CAMTA1: variants seen among roughly 807,000 people sequenced by gnomAD.
CAMTA1 encodes calmodulin binding transcription activator 1, also known as calmodulin-binding transcription activator 1.
A neutral mutation model predicts 170.9 loss-of-function variants in CAMTA1; 27 were observed. That is an observed-to-expected ratio of 0.16 (90% CI 0.12 to 0.22). The LOEUF (loss-of-function observed/expected upper bound fraction) is 0.22, where lower values mean the gene tolerates loss of function less well. Among genes scored for constraint, CAMTA1 ranks in the 10% least tolerant of loss-of-function variants. The pLI is 1.00. For missense variants in CAMTA1, 1,619 were observed against 2,217.2 expected (o/e 0.73, Z 5.42); for synonymous variants, 833 against 891.5 (o/e 0.93, Z 1.17).
chr1:7,204,547 T>C (rs952567743), intron 4 of CAMTA1, among the ~76,000 whole-genome samples: 1 of 152,228 alleles, frequency 6.6e-6, no homozygotes, highest in Admixed American at 6.5e-5. Context: ...TCCTTTTACA[T>C]TTATTGAGGT....
chr1:7,016,191 T>G (rs1413869814), intron 3 of CAMTA1, among the ~76,000 whole-genome samples: 5 of 152,186 alleles, frequency 3.3e-5, no homozygotes, highest in Admixed American at 6.5e-5. Context: ...CAGGCTGGCT[T>G]CTTTCCCTCA....
intron 11 of CAMTA1, among the ~76,000 whole-genome samples, chr1:7,704,560 G>C (rs1025633783): frequency 4.7e-5 from 7 of 148,630 alleles, no homozygotes; most frequent in African/African-American, 1.7e-4. Flanking sequence ...TTCCGGCGCA[G>C]TCCCCGCGCC....
chr1:7,161,468 CAT>C (rs1395173983), intron 4 of CAMTA1, among the ~76,000 whole-genome samples: 6 of 152,204 alleles, frequency 3.9e-5, no homozygotes, highest in South Asian at 2.1e-4. Context: ...ACAATTCCCA[CAT>C]GTCTTGGGAG....
chr1:7,625,131 A>G (rs2095624598), intron 6 of CAMTA1, among the ~76,000 whole-genome samples: 1 of 152,028 alleles, frequency 6.6e-6, no homozygotes, highest in Admixed American at 6.5e-5. Flanking sequence ...GGGAGCCAGG[A>G]AAGGTTAGCA....
intron 5 of CAMTA1, among the ~76,000 whole-genome samples, chr1:7,260,835 C>T (rs1668055866): frequency 6.6e-6 from 1 of 152,184 alleles, no homozygotes; most frequent in Non-Finnish European, 1.5e-5. Context: ...TTTGCTGCCA[C>T]AATTTACCTA....
At chr1:7,519,257 C>T (rs545676764) in intron 6 of CAMTA1, among the ~76,000 whole-genome samples, 100 of 152,112 alleles carry the variant, frequency 6.6e-4, no homozygotes, top group Admixed American at 4.6e-3. Context: ...CACCTGTCTC[C>T]TTGAGGCTTC....
At chr1:6,858,313 T>C (rs892495965) in intron 3 of CAMTA1, among the ~76,000 whole-genome samples, 2 of 152,150 alleles carry the variant, frequency 1.3e-5, no homozygotes, top group Admixed American at 6.5e-5. Flanking sequence ...TACTTATCCT[T>C]AGGGACATTA....
intron 6 of CAMTA1, among the ~76,000 whole-genome samples, chr1:7,553,957 C>A (rs1287041919): frequency 2.6e-5 from 4 of 152,138 alleles, no homozygotes; most frequent in Admixed American, 1.3e-4. Flanking sequence ...CAGGTCCTAG[C>A]AATTTGTACT....
intron 6 of CAMTA1, among the ~76,000 whole-genome samples, chr1:7,559,596 G>A (rs550802801): frequency 6.6e-6 from 1 of 152,314 alleles, no homozygotes; most frequent in Admixed American, 6.5e-5. Context: ...CTAATGCCAC[G>A]GTTTGGGGAG....
At chr1:7,218,763 C>G (rs1573972570) in intron 4 of CAMTA1, among the ~76,000 whole-genome samples, 1 of 152,158 alleles carries the variant, frequency 6.6e-6, no homozygotes, top group Non-Finnish European at 1.5e-5. Context: ...CCATCTTATC[C>G]TCTTGCTCTT....
chr1:7,452,760 CT>C (rs1307772757), intron 5 of CAMTA1, among the ~76,000 whole-genome samples: 1 of 152,238 alleles, frequency 6.6e-6, no homozygotes, highest in Non-Finnish European at 1.5e-5. Flanking sequence ...TTGCTTACCT[CT>C]TCCTCTGCCG....
At chr1:6,787,761 A>G (rs1375647780) in intron 1 of CAMTA1, among the ~76,000 whole-genome samples, 1 of 152,236 alleles carries the variant, frequency 6.6e-6, no homozygotes, top group Admixed American at 6.5e-5. Context: ...GAATGTGCGA[A>G]GCGTACAGTG....
intron 5 of CAMTA1, among the ~76,000 whole-genome samples, chr1:7,390,733 C>T (rs2088601126): frequency 6.6e-6 from 1 of 152,262 alleles, no homozygotes; most frequent in Non-Finnish European, 1.5e-5. Context: ...AGCACCTCTC[C>T]CCCACATGCA....
At chr1:7,737,139 A>T in intron 14 of CAMTA1, 116 bp from the exon 15 acceptor site, 1 of 1,302,334 alleles carries the variant, frequency 7.7e-7, no homozygotes. Context: ...GGAATCTTCA[A>T]TGGCCCCACC....
At chr1:7,208,138 C>T (rs1473824454) in intron 4 of CAMTA1, among the ~76,000 whole-genome samples, 2 of 152,232 alleles carry the variant, frequency 1.3e-5, no homozygotes, top group African/African-American at 4.8e-5. Flanking sequence ...TTCCGTCAGG[C>T]AGTGCTTTCT....
chr1:7,244,672 A>G (rs1018926149), intron 4 of CAMTA1, among the ~76,000 whole-genome samples: 2 of 151,580 alleles, frequency 1.3e-5, no homozygotes, highest in South Asian at 4.2e-4. Flanking sequence ...GTTCTCACTC[A>G]TAGGTGGGAA....
chr1:7,452,780 G>T (rs1207695139), intron 5 of CAMTA1, among the ~76,000 whole-genome samples: 1 of 152,232 alleles, frequency 6.6e-6, no homozygotes. Context: ...CGATGGGCAT[G>T]TAGGCTGTTC....
At chr1:7,133,461 T>A (rs908772794) in intron 4 of CAMTA1, among the ~76,000 whole-genome samples, 2 of 148,966 alleles carry the variant, frequency 1.3e-5, no homozygotes, top group South Asian at 2.1e-4. Flanking sequence ...TTGTGTCTTC[T>A]TTTTTTTCCC....
rs186329381 is a variant in CAMTA1 at position 6,796,349 on chromosome 1, G to T, written c.45+10774G>T. Among the ~76,000 whole-genome samples the T allele has an allele frequency of 9.9e-5, 15 of 152,038 alleles. No individual in the cohort carries two copies. The East Asian group carries it at 2.5e-3, about 25-fold the overall frequency. On this transcript the variant is annotated intron_variant, in intron 1 of 22. Coordinates refer to ENST00000303635, the MANE Select transcript of CAMTA1 (RefSeq NM_015215.4). ...GATGGAGTTTCGCCGTGTTGCCCAGGCTGGTCTCCAACTTGTGAATGCAAG... is the reference window on the plus strand; with the variant it reads ...GATGGAGTTTCGCCGTGTTGCCCAGTCTGGTCTCCAACTTGTGAATGCAAG...
Sources: allele counts gnomAD v4.1 joint callset (sites outside exome capture counted in the v4.1 genomes callset), GRCh38; gene constraint gnomAD v4.1.1; transcripts MANE v1.5; gene names NCBI Gene and HGNC (gene_info 2026-07-23, HGNC 2026-07-21).